Variants in KIAA1217 observed in about 807,000 individuals in gnomAD.
The protein encoded by KIAA1217 is KIAA1217.
Under a neutral mutation model 163.9 loss-of-function variants are expected in KIAA1217, and 88 were observed. The ratio of observed to expected loss-of-function variants is 0.54; its 90% confidence interval spans 0.45 to 0.64. The LOEUF (loss-of-function observed/expected upper bound fraction) is 0.64, where lower values mean the gene tolerates loss of function less well. KIAA1217 is among the 30% of genes least tolerant of loss of function. KIAA1217 has a pLI of 0.00. For missense variants in KIAA1217, 2,372 were observed against 2,475.0 expected, an observed-to-expected ratio of 0.96 and a Z score of 0.88; for synonymous variants, 903 against 923.1, an observed-to-expected ratio of 0.98 and a Z score of 0.39.
intron 2 of KIAA1217, among the ~76,000 whole-genome samples, chr10:24,349,451 A>G (rs1218728507): frequency 1.3e-5 from 2 of 152,170 alleles, no homozygotes; most frequent in Non-Finnish European, 2.9e-5. Flanking sequence ...TATTTTAGTT[A>G]CTCCTGACCA....
At chr10:24,376,757 G>A (rs375246522) in intron 2 of KIAA1217, among the ~76,000 whole-genome samples, 113 of 152,254 alleles carry the variant, frequency 7.4e-4, no homozygotes, top group African/African-American at 2.7e-3. Flanking sequence ...GACCCTGTCT[G>A]ACTGAATGAA....
At chr10:23,947,648 C>T (rs1353444489) in intron 1 of KIAA1217, among the ~76,000 whole-genome samples, 2 of 152,142 alleles carry the variant, frequency 1.3e-5, no homozygotes, top group African/African-American at 4.8e-5. Context: ...ATAAAATTGC[C>T]ATTAAATTAT....
chr10:24,255,551 A>G (rs1298861339), intron 2 of KIAA1217: 1 of 455,930 alleles, frequency 2.2e-6, no homozygotes, highest in Non-Finnish European at 4.4e-6. Context: ...GAGGCATCAC[A>G]TGTTTCTGCT....
At chr10:23,904,465 G>C (rs1420925823) in intron 1 of KIAA1217, among the ~76,000 whole-genome samples, 1 of 152,112 alleles carries the variant, frequency 6.6e-6, no homozygotes. Context: ...TTTTTGGTTT[G>C]ACACAACAAA....
rs570026388 is a variant in KIAA1217 at position 23,834,828 on chromosome 10, G to A, written c.-321+139594G>A. Among the ~76,000 whole-genome samples the A allele has an allele frequency of 2.0e-5, 3 of 152,182 alleles. No homozygotes were observed. The South Asian group carries it at 6.2e-4, about 32-fold the overall frequency. The stretch of plus-strand genomic sequence containing the variant: ...ACTAAGATGGTGAGGACTGTAGGAG[G>A]AGATTTGTGCCATGGAGGGGTGGCA... On this transcript the variant is annotated intron_variant, in intron 1 of 18. Coordinates refer to the KIAA1217 transcript ENST00000376462.
chr10:23,829,878 G>C (rs1003488229), intron 1 of KIAA1217, among the ~76,000 whole-genome samples: 1 of 152,100 alleles, frequency 6.6e-6, no homozygotes, highest in African/African-American at 2.4e-5. Context: ...GAAATTAATT[G>C]AGCTCATGTT....
rs544428495 is a variant in KIAA1217, at chr10:24,240,721, A to G, written c.354+20812A>G. Among the ~76,000 whole-genome samples the G allele has an allele frequency of 7.2e-5, 11 of 152,350 alleles. No homozygotes were observed. In the East Asian group the frequency reaches 2.1e-3, roughly 29 times the overall value. On this transcript the variant is annotated intron_variant, in intron 2 of 20. Coordinates refer to ENST00000376454, the MANE Select transcript of KIAA1217 (RefSeq NM_019590.5). Reference sequence around the variant, plus strand: ...AAACAGACGTAGCACAGTTCTAAGCATTCATGTTCCAAATGTTAATGATTG... The same window carrying G: ...AAACAGACGTAGCACAGTTCTAAGCGTTCATGTTCCAAATGTTAATGATTG...
intron 1 of KIAA1217, among the ~76,000 whole-genome samples, chr10:23,712,303 A>G (rs1401582336): frequency 2.6e-5 from 4 of 151,972 alleles, no homozygotes; most frequent in Non-Finnish European, 4.4e-5. Context: ...CCCCTCACCA[A>G]TAACTTAGAG....
intron 2 of KIAA1217, among the ~76,000 whole-genome samples, chr10:24,067,239 T>C (rs1213965560): frequency 1.3e-5 from 2 of 152,164 alleles, no homozygotes; most frequent in African/African-American, 4.8e-5. Flanking sequence ...GTGTTTCCCG[T>C]TTTTCTGCTC....
chr10:24,158,800 CAAG>C (rs1239621572), intron 2 of KIAA1217: 1 of 444,576 alleles, frequency 2.2e-6, no homozygotes, highest in African/African-American at 2.1e-5. Context: ...AGTAGAAGAC[CAAG>C]GAGGAGGTTG....
chr10:24,444,869 G>A lies in KIAA1217; in HGVS notation c.846+6390G>A, dbSNP rs573218968. On this transcript the variant is annotated intron_variant, in intron 5 of 20. Transcript: ENST00000376454. ...TACAGGCATTTGTGGCGTGTGTTTT[G>A]TGTGTTGGCTTCATTCCTGGACTCT... is the stretch of plus-strand genomic sequence containing the variant. Among the ~76,000 whole-genome samples, 176 of 152,250 alleles carry A rather than the reference G, an allele frequency of 1.2e-3. 1 individual carries two copies. Among genetic ancestry groups the A allele is most frequent in the African/African-American group, 3.9e-3 (164 of 41,544 alleles).
chr10:24,317,012 G>A lies in KIAA1217; in HGVS notation c.355-63857G>A, dbSNP rs185853193. ...TATGTTTACGCTGAGTGTGTGGGGG[G>A]CGCTGGTGAGATTGTGTAGTCTAGA... On this transcript the variant is annotated intron_variant, in intron 2 of 20. Transcript: ENST00000376454. 5.0e-4 allele frequency among the ~76,000 whole-genome samples: 76 copies of A among 152,226 alleles called. No individual in the cohort carries two copies. In the East Asian group the frequency reaches 7.0e-3, roughly 14 times the overall value.
At chr10:23,740,070 A>AGTG in intron 1 of KIAA1217, among the ~76,000 whole-genome samples, 1 of 120,236 alleles carries the variant, frequency 8.3e-6, no homozygotes, top group Admixed American at 8.4e-5. Flanking sequence ...TGAGATGCCT[A>AGTG]TGTAAGTGGA....
intron 16 of KIAA1217, among the ~76,000 whole-genome samples, chr10:24,535,904 G>C (rs1422845532): frequency 6.6e-6 from 1 of 152,040 alleles, no homozygotes; most frequent in Non-Finnish European, 1.5e-5. Context: ...CTCTGAGTGG[G>C]GTCTCAAGAG....
intron 1 of KIAA1217, among the ~76,000 whole-genome samples, chr10:23,712,437 ACT>A (rs1467594158): frequency 6.6e-6 from 1 of 151,906 alleles, no homozygotes; most frequent in East Asian, 2.0e-4. Flanking sequence ...ATCTTGGCAA[ACT>A]CTGAGTTATT....
chr10:23,906,667 T>C (rs1011993852), intron 1 of KIAA1217, among the ~76,000 whole-genome samples: 1 of 152,088 alleles, frequency 6.6e-6, no homozygotes, highest in African/African-American at 2.4e-5. Context: ...GGTTTTATGA[T>C]TGGTGTGGGG....
intron 5 of KIAA1217, among the ~76,000 whole-genome samples, chr10:24,464,026 G>A (rs2062694386): frequency 6.6e-6 from 1 of 152,200 alleles, no homozygotes; most frequent in African/African-American, 2.4e-5. Context: ...TGGTGAGTTA[G>A]CCTGAAAGAG....
Position 23,790,713 on chromosome 10 carries a change from ATG to A in KIAA1217, c.-321+95481_-321+95482del, listed in dbSNP as rs1204008231. ...TGTATATATACACACACATATATATATGTATGTATGTATGTATGTATGTATGT... is the reference window on the plus strand; with the variant it reads ...TGTATATATACACACACATATATATATATGTATGTATGTATGTATGTATGT... On this transcript the variant is annotated intron_variant, in intron 1 of 18. Coordinates refer to the KIAA1217 transcript ENST00000376462. 8.2e-4 allele frequency among the ~76,000 whole-genome samples: 98 copies of A among 119,838 alleles called. 9 individuals are homozygous for A. The highest frequency in any genetic ancestry group is 4.4e-3 in the African/African-American group (83 of 18,838). 78.6% of individuals were successfully genotyped at this position (119,838 alleles called of 152,430 possible).
At chr10:24,311,370 G>T (rs1564450533) in intron 2 of KIAA1217, among the ~76,000 whole-genome samples, 2 of 152,158 alleles carry the variant, frequency 1.3e-5, no homozygotes, top group South Asian at 4.1e-4. Flanking sequence ...TCCTCGCTGG[G>T]CTTGTCTCTG....
Sources: allele counts gnomAD v4.1 joint callset (sites outside exome capture counted in the v4.1 genomes callset), GRCh38; gene constraint gnomAD v4.1.1; transcripts MANE v1.5; gene names NCBI Gene and HGNC (gene_info 2026-07-23, HGNC 2026-07-21).